BBS1: variants seen among roughly 807,000 people sequenced by gnomAD.
The protein encoded by BBS1 is Bardet-Biedl syndrome 1.
BBS1 carries 60 observed loss-of-function variants against 73.9 expected under a neutral mutation model. That is an observed-to-expected ratio of 0.81 (90% CI 0.66 to 1.01). The LOEUF (loss-of-function observed/expected upper bound fraction) is 1.01. BBS1 is among the 50% of genes least tolerant of loss of function. The pLI is 0.00. For synonymous variants in BBS1, 283 were observed against 317.4 expected (o/e 0.89, Z 1.15); for missense variants, 718 against 770.3 (o/e 0.93, Z 0.80).
intron 11 of BBS1, 117 bp downstream of exon 11, chr11:66,523,999 GC>G: frequency 6.9e-7 from 1 of 1,446,726 alleles, no homozygotes; most frequent in Non-Finnish European, 9.5e-7. Flanking sequence ...ATTTGTTGAG[GC>G]CAGGCACAGT....
In BBS1 at chr11:66,532,992, G is replaced by A. The variant is rs1791686; in HGVS notation, c.*955G>A. On this transcript the variant is annotated 3_prime_UTR_variant, in exon 17 of 17. Transcript: ENST00000318312. Reference sequence around the variant, plus strand: ...TCCCAGGGCAGTGGTCACATCGTGAGAATTAGCAGGAAAGGCGGGGCCTTT... The same window carrying A: ...TCCCAGGGCAGTGGTCACATCGTGAAAATTAGCAGGAAAGGCGGGGCCTTT... 0.35 allele frequency: 52,777 copies of A among 152,140 alleles called. 10,651 individuals are homozygous for A. The highest frequency in any genetic ancestry group is 0.59 in the South Asian group (2,854 of 4,824). 9.4% of individuals were successfully genotyped at this position (152,140 alleles called of 1,614,324 possible).
intron 14 of BBS1, 89 bp from the exon 15 acceptor site, chr11:66,530,805 G>A (rs1856744418): frequency 1.3e-6 from 2 of 1,559,182 alleles, no homozygotes; most frequent in South Asian, 1.1e-5. Flanking sequence ...GGGACATGAG[G>A]GCATTGGTGG....
rs1856144047 is a variant in BBS1, at chr11:66,519,764, G to T, written c.723+16G>T. The T allele has an allele frequency of 1.2e-6, 2 of 1,612,068 alleles. No homozygotes were observed. The highest frequency in any genetic ancestry group is 1.7e-6 in the Non-Finnish European group (2 of 1,179,806). ...TTTAGCCAAGGTCAGCGTCAGGTCT[G>T]GCCCTGGGCCCGCTGGAGGCCCAGG... is the stretch of plus-strand genomic sequence containing the variant. On this transcript the variant is annotated intron_variant, in intron 8 of 16. Transcript: ENST00000318312.
Position 66,523,550 on chromosome 11 carries a change from G to T in BBS1, c.925G>T (p.Asp309Tyr). Reference sequence around the variant, plus strand: ...GGTCCTAGTGGTGGGCAGCACCCAAGACAGCCTGCATGGCTTCACCCACAA... The same window carrying T: ...GGTCCTAGTGGTGGGCAGCACCCAATACAGCCTGCATGGCTTCACCCACAA... Reference protein sequence around the residue: ...HKVLVVGSTQDSLHGFTHKGK... With the variant: ...HKVLVVGSTQYSLHGFTHKGK... The change falls in exon 10 of 17, where the codon GAC becomes TAC. Residue 309 changes from aspartate to tyrosine, a missense_variant. Coordinates refer to ENST00000318312, the MANE Select transcript of BBS1 (RefSeq NM_024649.5). 1 of 1,614,150 alleles carries T rather than the reference G, an allele frequency of 6.2e-7. No individual in the cohort carries two copies. The highest frequency in any genetic ancestry group is 8.5e-7 in the Non-Finnish European group (1 of 1,180,018).
At chr11:66,530,486 A>G (rs1856728894) in intron 14 of BBS1, among the ~76,000 whole-genome samples, 2 of 152,168 alleles carry the variant, frequency 1.3e-5, no homozygotes, top group Admixed American at 6.5e-5. Flanking sequence ...ATCTGACCCA[A>G]CCAGGTTCTG....
intron 7 of BBS1, among the ~76,000 whole-genome samples, chr11:66,517,079 C>G (rs573578133): frequency 1.3e-5 from 2 of 151,996 alleles, no homozygotes; most frequent in South Asian, 4.2e-4. Flanking sequence ...GTCGCCTGTA[C>G]TCCCAGCTAC....
chr11:66,521,628 G>C, intron 9 of BBS1: 1 of 485,334 alleles, frequency 2.1e-6, no homozygotes, highest in Admixed American at 3.3e-5. Flanking sequence ...AGGACAGGCT[G>C]GGCGCTGTGG....
intron 7 of BBS1, among the ~76,000 whole-genome samples, chr11:66,517,072 G>A (rs1442341647): frequency 6.6e-6 from 1 of 151,824 alleles, no homozygotes; most frequent in Non-Finnish European, 1.5e-5. Context: ...GGTAGCGGTC[G>A]CCTGTACTCC....
In BBS1 at chr11:66,533,005, A is replaced by T. The variant is rs1856846586; in HGVS notation, c.*968A>T. The T allele has an allele frequency of 6.6e-6, 1 of 152,230 alleles. No individual in the cohort carries two copies. 9.4% of individuals were successfully genotyped at this position (152,230 alleles called of 1,614,324 possible). ...GTCACATCGTGAGAATTAGCAGGAA[A>T]GGCGGGGCCTTTCTTGTCATAGCTA... On this transcript the variant is annotated 3_prime_UTR_variant, in exon 17 of 17. Transcript: ENST00000318312.
chr11:66,517,314 A>C (rs1426282620), intron 7 of BBS1, among the ~76,000 whole-genome samples: 2 of 152,152 alleles, frequency 1.3e-5, no homozygotes, highest in Admixed American at 1.3e-4. Flanking sequence ...TTATAATTAC[A>C]AAAGAAACAT....
chr11:66,523,659 C>A (rs571201308), intron 10 of BBS1, 65 bp from the exon 11 acceptor site: 1 of 1,610,790 alleles, frequency 6.2e-7, no homozygotes, highest in East Asian at 2.2e-5. Context: ...GCTTCCCCAC[C>A]CCAGAAACCG....
In BBS1 at chr11:66,515,521, T is replaced by C; in HGVS notation, c.433-19T>C. On this transcript the variant is annotated intron_variant, in intron 4 of 16. Coordinates refer to ENST00000318312, the MANE Select transcript of BBS1 (RefSeq NM_024649.5). ...CTGCCTGGCTTGAGCTCACAGGCTC[T>C]CTTCCCACATTGTCACAGGACCGAA... is the stretch of plus-strand genomic sequence containing the variant. 4 of 1,614,082 alleles carry C rather than the reference T, an allele frequency of 2.5e-6. No homozygotes were observed. Among genetic ancestry groups the C allele is most frequent in the Non-Finnish European group, 2.5e-6 (3 of 1,179,992 alleles).
At position 66,532,256 on chromosome 11, in the gene BBS1, A is replaced by G. The variant is rs74451472; in HGVS notation, c.*219A>G. 938 of 587,052 alleles carry G rather than the reference A, an allele frequency of 1.6e-3. 16 individuals carry two copies. The East Asian group carries it at 0.026, about 16-fold the overall frequency. The allele number at this position is 587,052 out of a possible 1,614,324, so 36.4% of individuals were successfully genotyped here. On this transcript the variant is annotated 3_prime_UTR_variant, in exon 17 of 17. Transcript: ENST00000318312. ...ACTCCTCCCACAGCACCAACCCAGC[A>G]TGGTCCCACTGAAGTCCTACTACGC...
At chr11:66,521,904 CA>C (rs1183524219) in intron 9 of BBS1, among the ~76,000 whole-genome samples, 1,798 of 36,492 alleles carry the variant, frequency 0.049, 5 homozygotes, top group African/African-American at 0.063. Flanking sequence ...GACTCCGTCT[CA>C]AAAAAAAAAA....
chr11:66,530,574 A>G, intron 14 of BBS1, among the ~76,000 whole-genome samples: 1 of 152,136 alleles, frequency 6.6e-6, no homozygotes, highest in East Asian at 1.9e-4. Flanking sequence ...CAGGAGAAAA[A>G]TGAACTGATC....
At chr11:66,528,158 G>A (rs1173825506) in intron 13 of BBS1, among the ~76,000 whole-genome samples, 6 of 152,148 alleles carry the variant, frequency 3.9e-5, no homozygotes, top group Admixed American at 2.0e-4. Flanking sequence ...AAAGGTTGCA[G>A]TGAACCAAGA....
rs779592725 is a variant in BBS1, at chr11:66,511,290, G to A, written c.159+51G>A. On this transcript the variant is annotated intron_variant, in intron 3 of 16. Transcript: ENST00000318312. Reference sequence around the variant, plus strand: ...AGTTGAGGGTAGGGGGGTGTACCCAGAAATGAGATTTCCTGACGGCTGAAA... The same window carrying A: ...AGTTGAGGGTAGGGGGGTGTACCCAAAAATGAGATTTCCTGACGGCTGAAA... The A allele has an allele frequency of 6.3e-6, 10 of 1,596,778 alleles. No individual in the cohort carries two copies. In the South Asian group the frequency reaches 1.1e-4, roughly 18 times the overall value.
chr11:66,518,187 C>T (rs1232248171), intron 7 of BBS1, among the ~76,000 whole-genome samples: 1 of 146,276 alleles, frequency 6.8e-6, no homozygotes, highest in Non-Finnish European at 1.5e-5. Context: ...GAACTCCCAA[C>T]CTCACGTGAT....
chr11:66,516,427 A>G (rs1195201037), intron 7 of BBS1, among the ~76,000 whole-genome samples: 4 of 152,106 alleles, frequency 2.6e-5, no homozygotes, highest in Non-Finnish European at 5.9e-5. Context: ...TGCCATGCCA[A>G]CCACTCACAT....
Sources: allele counts gnomAD v4.1 joint callset (sites outside exome capture counted in the v4.1 genomes callset), GRCh38; gene constraint gnomAD v4.1.1; transcripts MANE v1.5; gene names NCBI Gene and HGNC (gene_info 2026-07-23, HGNC 2026-07-21).